SORCS3: variants seen among roughly 807,000 people sequenced by gnomAD.
SORCS3 encodes sortilin related VPS10 domain containing receptor 3, also known as VPS10 domain-containing receptor SorCS3.
A neutral mutation model predicts 146.3 loss-of-function variants in SORCS3; 57 were observed. The ratio of observed to expected loss-of-function variants is 0.39; its 90% CI spans 0.31 to 0.49. The LOEUF is 0.49. SORCS3 is among the 20% of genes least tolerant of loss of function. The probability of loss-of-function intolerance (pLI) is 0.92; values close to 1 mark genes in which losing one functional copy is unlikely to be tolerated. For synonymous variants in SORCS3, 653 were observed against 618.5 expected (o/e 1.06, Z -0.83); for missense variants, 1,341 against 1,575.5 (o/e 0.85, Z 2.52).
At chr10:105,119,781 C>G (rs1387533527) in intron 7 of SORCS3, among the ~76,000 whole-genome samples, 2 of 152,210 alleles carry the variant, frequency 1.3e-5, no homozygotes, top group East Asian at 3.9e-4. Context: ...GTGTATTTAC[C>G]CAATGCCTAT....
At chr10:105,041,449 A>G (rs1013425556) in intron 4 of SORCS3, among the ~76,000 whole-genome samples, 1 of 148,686 alleles carries the variant, frequency 6.7e-6, no homozygotes, top group African/African-American at 2.4e-5. Context: ...ATATAACTAT[A>G]TATATACATA....
At chr10:104,675,899 A>G (rs2015907602) in intron 1 of SORCS3, among the ~76,000 whole-genome samples, 1 of 152,200 alleles carries the variant, frequency 6.6e-6, no homozygotes, top group Admixed American at 6.5e-5. Flanking sequence ...CCACAAAAAA[A>G]TCCTGCTAGG....
chr10:104,850,235 C>T (rs2018259498), intron 2 of SORCS3, among the ~76,000 whole-genome samples: 1 of 152,130 alleles, frequency 6.6e-6, no homozygotes, highest in Non-Finnish European at 1.5e-5. Flanking sequence ...TTTATGGGCC[C>T]TACCCAAGAG....
At chr10:105,063,934 C>A (rs993904002) in intron 5 of SORCS3, among the ~76,000 whole-genome samples, 2 of 152,234 alleles carry the variant, frequency 1.3e-5, no homozygotes, top group Non-Finnish European at 2.9e-5. Flanking sequence ...CTGCGGTGTT[C>A]CTGTAGTCCT....
intron 2 of SORCS3, among the ~76,000 whole-genome samples, chr10:104,854,509 A>G (rs2018308367): frequency 6.6e-6 from 1 of 152,206 alleles, no homozygotes; most frequent in Non-Finnish European, 1.5e-5. Context: ...CTACAATATA[A>G]TATCTCTAGG....
At chr10:105,047,030 G>GT (rs143654389) in intron 5 of SORCS3, among the ~76,000 whole-genome samples, 7,032 of 151,678 alleles carry the variant, frequency 0.046, 187 homozygotes, top group Middle Eastern at 0.075. Context: ...AAGCTTTTCT[G>GT]TTTTTTTTAA....
chr10:104,920,968 C>G (rs1484251945), intron 3 of SORCS3, among the ~76,000 whole-genome samples: 4 of 152,188 alleles, frequency 2.6e-5, no homozygotes, highest in Non-Finnish European at 5.9e-5. Context: ...GGTTTGAGCC[C>G]AACTTCCTTA....
intron 1 of SORCS3, among the ~76,000 whole-genome samples, chr10:104,839,651 G>A (rs978288021): frequency 2.0e-5 from 3 of 152,176 alleles, no homozygotes; most frequent in Non-Finnish European, 4.4e-5. Flanking sequence ...TCTGATCAAG[G>A]AAGTGCATGA....
At chr10:105,159,326 A>G (rs1049009644) in intron 11 of SORCS3, among the ~76,000 whole-genome samples, 4 of 152,200 alleles carry the variant, frequency 2.6e-5, no homozygotes, top group African/African-American at 4.8e-5. Flanking sequence ...ATGATATATG[A>G]ACTTCCTAGC....
chr10:104,682,344 T>TG (rs2133266224), intron 1 of SORCS3, among the ~76,000 whole-genome samples: 1 of 152,348 alleles, frequency 6.6e-6, no homozygotes, highest in Non-Finnish European at 1.5e-5. Flanking sequence ...CCTGGACTCT[T>TG]GCACGTATCA....
chr10:104,887,730 C>T (rs1285565750), intron 2 of SORCS3, among the ~76,000 whole-genome samples: 3 of 152,098 alleles, frequency 2.0e-5, no homozygotes, highest in African/African-American at 4.8e-5. Context: ...TCAGCTACTA[C>T]CACTTCTGAT....
At chr10:105,207,587 G>A (rs1190815323) in intron 16 of SORCS3, among the ~76,000 whole-genome samples, 1 of 152,162 alleles carries the variant, frequency 6.6e-6, no homozygotes, top group African/African-American at 2.4e-5. Flanking sequence ...TGGAGAAACA[G>A]CTGGAGCTGC....
intron 20 of SORCS3, among the ~76,000 whole-genome samples, chr10:105,223,972 G>T (rs556488547): frequency 3.5e-4 from 54 of 152,238 alleles, no homozygotes; most frequent in African/African-American, 1.2e-3. Flanking sequence ...TCAACAGGTG[G>T]TACAGAGATT....
At chr10:105,157,896 A>C (rs2056225462) in intron 10 of SORCS3, among the ~76,000 whole-genome samples, 1 of 152,226 alleles carries the variant, frequency 6.6e-6, no homozygotes, top group Admixed American at 6.5e-5. Flanking sequence ...GGACTGCTGT[A>C]AGAAACAATT....
chr10:105,151,388 A>G (rs1223243583), intron 9 of SORCS3, among the ~76,000 whole-genome samples: 1 of 152,174 alleles, frequency 6.6e-6, no homozygotes, highest in Non-Finnish European at 1.5e-5. Context: ...TTTTCCCCTC[A>G]TATTTACATA....
intron 3 of SORCS3, among the ~76,000 whole-genome samples, chr10:104,966,891 T>C (rs879847432): frequency 1.3e-5 from 2 of 152,062 alleles, no homozygotes; most frequent in African/African-American, 2.4e-5. Flanking sequence ...ATTTGCAATA[T>C]ACCATTAAAA....
intron 1 of SORCS3, among the ~76,000 whole-genome samples, chr10:104,722,543 A>G (rs997365202): frequency 2.5e-4 from 38 of 152,338 alleles, no homozygotes; most frequent in African/African-American, 7.7e-4. Flanking sequence ...GAAAAGTTTC[A>G]GAAGGAATGG....
chr10:104,898,927 T>G (rs531275629), intron 2 of SORCS3, among the ~76,000 whole-genome samples: 3 of 152,346 alleles, frequency 2.0e-5, no homozygotes, highest in East Asian at 3.9e-4. Context: ...TATTGTTTGC[T>G]GTTGCAGTTA....
intron 4 of SORCS3, among the ~76,000 whole-genome samples, chr10:105,038,589 AT>A (rs1259311356): frequency 6.6e-6 from 1 of 152,220 alleles, no homozygotes; most frequent in African/African-American, 2.4e-5. Flanking sequence ...CTATTGAAAT[AT>A]AATACATATT....
Sources: gnomAD v4.1 joint callset for allele counts (sites outside exome capture counted in the v4.1 genomes callset) on GRCh38, gnomAD v4.1.1 for gene constraint, MANE v1.5 for transcripts, NCBI Gene and HGNC (gene_info 2026-07-23, HGNC 2026-07-21) for gene names.